Variants in LRRFIP1 observed in about 807,000 individuals in gnomAD.
LRRFIP1 encodes leucine-rich repeat flightless-interacting protein 1.
A neutral mutation model predicts 104.4 loss-of-function variants in LRRFIP1; 62 were observed. The ratio of observed to expected loss-of-function variants is 0.59; its 90% confidence interval spans 0.48 to 0.73. LRRFIP1 has a LOEUF of 0.73. Ranked by LOEUF, LRRFIP1 falls within the 30% of genes least tolerant of loss-of-function variation. The probability of loss-of-function intolerance (pLI) is 0.00; values close to 1 mark genes in which losing one functional copy is unlikely to be tolerated. For missense variants in LRRFIP1, 796 were observed against 824.5 expected (o/e 0.97, Z 0.42); for synonymous variants, 300 against 299.0 (o/e 1.00, Z -0.03).
chr2:237,777,677 A>C (rs913769268), intron 23 of LRRFIP1, among the ~76,000 whole-genome samples: 2 of 151,812 alleles, frequency 1.3e-5, no homozygotes, highest in Admixed American at 6.6e-5. Flanking sequence ...GTTTATTGGA[A>C]TCTTTCTGCT....
At chr2:237,629,219 G>A (rs529057470) in intron 1 of LRRFIP1, among the ~76,000 whole-genome samples, 1 of 152,332 alleles carries the variant, frequency 6.6e-6, no homozygotes, top group Admixed American at 6.5e-5. Flanking sequence ...AGAAGTACAA[G>A]GCATTTAAAG....
intron 20 of LRRFIP1, chr2:237,770,820 C>T (rs1049618472): frequency 6.6e-6 from 1 of 152,194 alleles, no homozygotes; most frequent in Admixed American, 6.5e-5. Flanking sequence ...GAACAGTTAT[C>T]CTATCTGATC....
At chr2:237,650,617 AG>A (rs1169385164) in intron 1 of LRRFIP1, among the ~76,000 whole-genome samples, 2 of 152,214 alleles carry the variant, frequency 1.3e-5, no homozygotes, top group Non-Finnish European at 2.9e-5. Context: ...GCAGACCAGC[AG>A]GGGCAAGAGC....
rs2061369613 is a variant in LRRFIP1 at position 237,779,539 on chromosome 2, G to C, written c.*7G>C. 3.7e-6 allele frequency: 6 copies of C among 1,609,658 alleles called. No individual in the cohort carries two copies. The highest frequency in any genetic ancestry group is 5.1e-6 in the Non-Finnish European group (6 of 1,176,246). ...ACTCTTGTCCCAGCAGTAAATTCCA[G>C]CTCTGATCAGGCAACTGGTTGGTGA... On this transcript the variant is annotated 3_prime_UTR_variant, in exon 24 of 24. Coordinates refer to ENST00000308482, the MANE Select transcript of LRRFIP1 (RefSeq NM_001137550.2).
At position 237,774,383 on chromosome 2, in the gene LRRFIP1, C is replaced by T. The variant is rs1272473757; in HGVS notation, c.1733C>T (p.Ser578Leu). The part of the protein sequence containing the change: ...QNVIRLESQV[S>L]RYKSAAENAE... Reference sequence around the variant, plus strand: ...GTAATAAGGTTAGAGAGTCAAGTATCACGTTACAAATCAGCGGCTGAAAAT... The same window carrying T: ...GTAATAAGGTTAGAGAGTCAAGTATTACGTTACAAATCAGCGGCTGAAAAT... Residue 578 changes from serine (S) to leucine (L), a missense_variant, in exon 23 of 24, where the codon TCA (serine) becomes TTA (leucine). Coordinates refer to ENST00000308482, the MANE Select transcript of LRRFIP1 (RefSeq NM_001137550.2). 5.0e-6 allele frequency: 8 copies of T among 1,613,114 alleles called. No homozygotes were observed. The highest frequency in any genetic ancestry group is 3.3e-5 in the Admixed American group (2 of 59,996).
chr2:237,629,217 A>G (rs569981227), intron 1 of LRRFIP1, among the ~76,000 whole-genome samples: 1 of 152,388 alleles, frequency 6.6e-6, no homozygotes, highest in African/African-American at 2.4e-5. Flanking sequence ...AAAGAAGTAC[A>G]AGGCATTTAA....
At chr2:237,733,927 GT>G (rs1306416839) in intron 9 of LRRFIP1, 109 bp downstream of exon 9, 5 of 1,185,232 alleles carry the variant, frequency 4.2e-6, no homozygotes, top group Non-Finnish European at 6.2e-6. Context: ...CCTGGGGGAA[GT>G]TGCACCTTCA....
intron 1 of LRRFIP1, among the ~76,000 whole-genome samples, chr2:237,681,663 G>A (rs983366473): frequency 3.7e-5 from 5 of 136,716 alleles, no homozygotes; most frequent in Non-Finnish European, 6.3e-5. Flanking sequence ...CACCGTGCCC[G>A]GCCGCAGTCC....
intron 1 of LRRFIP1, among the ~76,000 whole-genome samples, chr2:237,685,301 C>T (rs1056572896): frequency 6.6e-6 from 1 of 152,186 alleles, no homozygotes; most frequent in South Asian, 2.1e-4. Context: ...TTGCTATAGA[C>T]TTATTCCTAG....
chr2:237,692,173 G>T (rs956916832), intron 1 of LRRFIP1: 18 of 1,022,496 alleles, frequency 1.8e-5, no homozygotes, highest in Non-Finnish European at 2.0e-5. Flanking sequence ...GCCGTGGGAC[G>T]GGCGGAGGCG....
intron 1 of LRRFIP1, among the ~76,000 whole-genome samples, chr2:237,654,896 C>A (rs2149417632): frequency 6.6e-6 from 1 of 152,072 alleles, no homozygotes; most frequent in East Asian, 1.9e-4. Flanking sequence ...GCACTATTCA[C>A]AATAACCAAG....
chr2:237,727,758 A>G, intron 7 of LRRFIP1, 118 bp from the exon 8 acceptor site: 1 of 721,284 alleles, frequency 1.4e-6, no homozygotes. Flanking sequence ...TGGACTGGTC[A>G]TTCATCCGCT....
intron 21 of LRRFIP1, chr2:237,772,488 T>C (rs1221962142): frequency 1.8e-5 from 8 of 447,826 alleles, no homozygotes; most frequent in Non-Finnish European, 2.8e-5. Context: ...TTCGATCTGT[T>C]GATTGTATGA....
At chr2:237,657,959 C>A (rs1053076960) in intron 1 of LRRFIP1, among the ~76,000 whole-genome samples, 2 of 152,048 alleles carry the variant, frequency 1.3e-5, no homozygotes, top group African/African-American at 4.8e-5. Flanking sequence ...CGAGTGCAAC[C>A]AAGAGATAAG....
chr2:237,749,787 C>T (rs115627301), intron 13 of LRRFIP1, among the ~76,000 whole-genome samples: 1,564 of 152,212 alleles, frequency 0.01, 17 homozygotes, highest in Middle Eastern at 0.031. Context: ...TTTAGTAGCC[C>T]TCATCTTTGT....
intron 10 of LRRFIP1, among the ~76,000 whole-genome samples, chr2:237,737,403 G>T (rs2095284499): frequency 1.3e-5 from 2 of 152,182 alleles, no homozygotes; most frequent in Admixed American, 6.5e-5. Flanking sequence ...AAAGCTTTCT[G>T]ACTTCTGCAC....
rs76092705 is a variant in LRRFIP1, at chr2:237,764,384, G to A, written c.1459+4179G>A. 4,146 of 1,426,590 alleles carry A rather than the reference G, an allele frequency of 2.9e-3. 143 individuals are homozygous for A. In the Admixed American group the frequency reaches 0.073, roughly 25 times the overall value. The allele number at this position is 1,426,590 out of a possible 1,614,324, so 88.4% of individuals were successfully genotyped here. A position where few individuals can be genotyped will look rare whatever the true frequency, so the allele number is the denominator to read the frequency against. On this transcript the variant is annotated intron_variant, in intron 19 of 23. Coordinates refer to ENST00000308482, the MANE Select transcript of LRRFIP1 (RefSeq NM_001137550.2). ...GTACGTTCTAATTGAGAGCATTCCA[G>A]TAGTATCAAACAATAATGTCTACTG...
intron 1 of LRRFIP1, among the ~76,000 whole-genome samples, chr2:237,629,751 C>T (rs2082090398): frequency 2.6e-5 from 4 of 152,168 alleles, no homozygotes; most frequent in African/African-American, 7.2e-5. Flanking sequence ...GGATTACAGG[C>T]GTAAGCCACT....
chr2:237,695,183 T>A (rs2093089503), intron 1 of LRRFIP1, among the ~76,000 whole-genome samples: 1 of 152,172 alleles, frequency 6.6e-6, no homozygotes. Context: ...CTAGTAGTAT[T>A]GAGAGTGTCC....
Sources: allele counts gnomAD v4.1 joint callset (sites outside exome capture counted in the v4.1 genomes callset), GRCh38; gene constraint gnomAD v4.1.1; transcripts MANE v1.5; gene names NCBI Gene and HGNC (gene_info 2026-07-23, HGNC 2026-07-21).